NOS3: variants seen among roughly 807,000 people sequenced by gnomAD.
NOS3 encodes the protein NOS type III.
Under a neutral mutation model 144.9 loss-of-function variants are expected in NOS3, and 98 were observed. The observed-to-expected ratio is 0.68, with a 90% CI of 0.57 to 0.80. NOS3 has a LOEUF of 0.80. Among genes scored for constraint, NOS3 ranks in the 30% least tolerant of loss-of-function variants. The probability of loss-of-function intolerance (pLI) is 0.00; values close to 1 mark genes in which losing one functional copy is unlikely to be tolerated. For synonymous variants in NOS3, 714 were observed against 702.4 expected (o/e 1.02, Z -0.26); for missense variants, 1,465 against 1,656.4 (o/e 0.88, Z 2.01).
chr7:151,012,730 A>G (rs1242346018), intron 24 of NOS3: 4 of 428,688 alleles, frequency 9.3e-6, no homozygotes, highest in East Asian at 3.9e-5. Flanking sequence ...CAAAGGGATT[A>G]GGGCTAAGAC....
At chr7:150,997,095 CA>C (rs1162529732) in intron 5 of NOS3, among the ~76,000 whole-genome samples, 170 bp downstream of exon 5, 1 of 152,298 alleles carries the variant, frequency 6.6e-6, no homozygotes, top group East Asian at 1.9e-4. Context: ...CCTCAGCACC[CA>C]GGGGAACCTC....
Position 151,010,904 on chromosome 7 carries a change from C to T in NOS3, c.2902C>T (p.Leu968=), listed in dbSNP as rs1329584883. Residue 968 remains leucine (L), a synonymous_variant, in exon 23 of 27, where the codon CTG becomes TTG. Coordinates refer to ENST00000297494, the MANE Select transcript of NOS3 (RefSeq NM_000603.5). ...CCTCTCCTTCCCACCCCCAGATGGG[C>T]TGGGCCCCCTGCACTATGGAGTCTG... is the stretch of plus-strand genomic sequence containing the variant. ...AVLAYRTQDG[L]GPLHYGVCST... The T allele has an allele frequency of 1.2e-6, 2 of 1,613,214 alleles. No homozygotes were observed. Among genetic ancestry groups the T allele is most frequent in the Non-Finnish European group, 1.7e-6 (2 of 1,179,450 alleles).
At chr7:151,000,209 GC>G (rs1386191750) in intron 9 of NOS3, among the ~76,000 whole-genome samples, 1 of 151,880 alleles carries the variant, frequency 6.6e-6, no homozygotes, top group Non-Finnish European at 1.5e-5. Flanking sequence ...TAGCTCTAGA[GC>G]TTTCATCAGA....
chr7:151,014,152 G>T lies in NOS3; in HGVS notation c.3595G>T (p.Asp1199Tyr). The T allele has an allele frequency of 1.9e-6, 3 of 1,607,506 alleles. No homozygotes were observed. The highest frequency in any genetic ancestry group is 1.7e-6 in the Non-Finnish European group (2 of 1,175,800). The change falls in exon 27 of 27, where the codon GAC becomes TAC. Residue 1199 changes from aspartate to tyrosine, a missense_variant. Transcript: ENST00000297494. ...VPWAFDPPGSDTNSP is the reference protein window; with the variant it reads ...VPWAFDPPGSYTNSP Reference sequence around the variant, plus strand: ...CTGGGCGTTCGACCCTCCCGGCTCAGACACCAACAGCCCCTGAGAGCCGCC... The same window carrying T: ...CTGGGCGTTCGACCCTCCCGGCTCATACACCAACAGCCCCTGAGAGCCGCC...
In NOS3 at chr7:151,003,460, C is replaced by A; in HGVS notation, c.1752+1156C>A. On this transcript the variant is annotated intron_variant, in intron 14 of 26. Coordinates refer to ENST00000297494, the MANE Select transcript of NOS3 (RefSeq NM_000603.5). The surrounding 1 kb of genome is among the most constrained non-coding windows in gnomAD (Gnocchi z 4.1). ...TTAAGCAAGTTGGAATCTCGTGAAA[C>A]CCTTTTTGCTGCCTTAGTGTCCGTT... The A allele has an allele frequency of 8.2e-7, 1 of 1,219,576 alleles. No homozygotes were observed. Among genetic ancestry groups the A allele is most frequent in the Non-Finnish European group, 1.1e-6 (1 of 951,600 alleles). 75.5% of individuals were successfully genotyped at this position (1,219,576 alleles called of 1,614,324 possible).
At position 151,012,554 on chromosome 7, in the gene NOS3, G is replaced by A. The variant is rs193205608; in HGVS notation, c.3106+82G>A. 69 of 1,481,714 alleles carry A rather than the reference G, an allele frequency of 4.7e-5. No homozygotes were observed. The African/African-American group carries it at 8.8e-4, about 19-fold the overall frequency. The allele number at this position is 1,481,714 out of a possible 1,614,324, so 91.8% of individuals were successfully genotyped here. A position where few individuals can be genotyped will look rare whatever the true frequency, so the allele number is the denominator to read the frequency against. The stretch of plus-strand genomic sequence containing the variant: ...GGGTGGGGCTGGAAGGCAGGAAATA[G>A]GAAAGAGAGGGCAGGAAACAAAGTC... On this transcript the variant is annotated intron_variant, in intron 24 of 26. Transcript: ENST00000297494.
At chr7:150,994,844 G>A (rs1298190708) in intron 2 of NOS3, among the ~76,000 whole-genome samples, 2 of 152,188 alleles carry the variant, frequency 1.3e-5, no homozygotes, top group African/African-American at 4.8e-5. Flanking sequence ...TCCCTGCAGG[G>A]CTTCCCTCCA....
At position 151,014,141 on chromosome 7, in the gene NOS3, C is replaced by T. The variant is rs892696687; in HGVS notation, c.3584C>T (p.Pro1195Leu). Reference protein sequence around the residue: ...LRGAVPWAFDPPGSDTNSP With the variant: ...LRGAVPWAFDLPGSDTNSP ...GGCGCAGTGCCCTGGGCGTTCGACC[C>T]TCCCGGCTCAGACACCAACAGCCCC... Residue 1195 changes from proline to leucine, a missense_variant, in exon 27 of 27, where the codon CCT (proline) becomes CTT (leucine). Around this residue, in one of 5 missense-constraint regions of NOS3, gnomAD observed 228 missense variants for 227.7 expected, o/e 1.00. Transcript: ENST00000297494. 2.5e-6 allele frequency: 4 copies of T among 1,609,954 alleles called. No individual in the cohort carries two copies. Among genetic ancestry groups the T allele is most frequent in the Non-Finnish European group, 3.4e-6 (4 of 1,177,434 alleles).
Position 151,013,864 on chromosome 7 carries a change from G to T in NOS3, c.3396G>T (p.Ala1132=). Residue 1132 remains alanine, a synonymous_variant, in exon 26 of 27, where the codon GCG becomes GCT. Coordinates refer to ENST00000297494, the MANE Select transcript of NOS3 (RefSeq NM_000603.5). ...TGCAGACCGTGCAGCGCATCCTGGCGACGGAGGGCGACATGGAGCTGGACG... is the reference window on the plus strand; with the variant it reads ...TGCAGACCGTGCAGCGCATCCTGGCTACGGAGGGCGACATGGAGCTGGACG... ...NVLQTVQRIL[A]TEGDMELDEA... is the part of the protein sequence containing the mutation. 6.2e-7 allele frequency: 1 copy of T among 1,603,160 alleles called. No individual in the cohort carries two copies.
At chr7:150,999,471 C>G (rs1795026084) in intron 9 of NOS3, 107 bp downstream of exon 9, 1 of 1,238,724 alleles carries the variant, frequency 8.1e-7, no homozygotes, top group South Asian at 1.5e-5. Flanking sequence ...CAGAGCAGGT[C>G]CAGGGTTGCC....
In NOS3 at chr7:151,013,909, C is replaced by T. The variant is rs1282954863; in HGVS notation, c.3441C>T (p.Gly1147=). 6.3e-7 allele frequency: 1 copy of T among 1,599,776 alleles called. No individual in the cohort carries two copies. Among genetic ancestry groups the T allele is most frequent in the Non-Finnish European group, 8.5e-7 (1 of 1,173,342 alleles). The change falls in exon 26 of 27, where the codon GGC becomes GGT. Residue 1147 remains glycine, a synonymous_variant. Transcript: ENST00000297494. ...TGGACGAGGCCGGCGACGTCATCGG[C>T]GTGCTGCGGGTGCGGAGGGGCGGGC... ...MELDEAGDVI[G]VLRDQQRYHE...
chr7:150,996,885 C>A lies in NOS3; in HGVS notation c.542C>A (p.Ala181Asp). 6.3e-7 allele frequency: 1 copy of A among 1,583,158 alleles called. No individual in the cohort carries two copies. The highest frequency in any genetic ancestry group is 8.6e-7 in the Non-Finnish European group (1 of 1,165,536). Reference protein sequence around the residue: ...VFGAKQAWRNAPRCVGRIQWG... With the variant: ...VFGAKQAWRNDPRCVGRIQWG... Reference sequence around the variant, plus strand: ...GGGGCTAAGCAGGCCTGGCGCAACGCTCCCCGCTGCGTGGGCCGGATCCAG... The same window carrying A: ...GGGGCTAAGCAGGCCTGGCGCAACGATCCCCGCTGCGTGGGCCGGATCCAG... Residue 181 changes from alanine to aspartate, a missense_variant, in exon 5 of 27, where the codon GCT (alanine) becomes GAT (aspartate). Physicochemically the swap from Ala to Asp is moderately radical, Grantham distance 126. Around this residue, in one of 5 missense-constraint regions of NOS3, gnomAD observed 374 missense variants for 377.0 expected, o/e 0.99. Transcript: ENST00000297494.
intron 9 of NOS3, among the ~76,000 whole-genome samples, chr7:151,000,233 A>G (rs1266689107): frequency 6.6e-6 from 1 of 151,728 alleles, no homozygotes; most frequent in Non-Finnish European, 1.5e-5. Context: ...CTCAAAGGGG[A>G]CCTTGACTCG....
At position 151,014,003 on chromosome 7, in the gene NOS3, G is replaced by C. The variant is rs370804544; in HGVS notation, c.3451-5G>C. On this transcript the variant is annotated splice_polypyrimidine_tract_variant and splice_region_variant and intron_variant, in intron 26 of 26. Coordinates refer to ENST00000297494, the MANE Select transcript of NOS3 (RefSeq NM_000603.5). ...GTTCTGATCCACTGTGCTCTTTTCC[G>C]ACAGGATCAGCAACGCTACCACGAA... The C allele has an allele frequency of 6.2e-7, 1 of 1,611,722 alleles. No homozygotes were observed. Among genetic ancestry groups the C allele is most frequent in the South Asian group, 1.1e-5 (1 of 91,006 alleles).
chr7:151,005,158 T>C (rs1299529187), intron 14 of NOS3, among the ~76,000 whole-genome samples: 1 of 152,212 alleles, frequency 6.6e-6, no homozygotes, highest in Non-Finnish European at 1.5e-5. Flanking sequence ...TGTTTCTCGA[T>C]GGGATGCTGG....
chr7:151,002,002 A>C lies in NOS3; in HGVS notation c.1647+37A>C. ...CCCAGGGGAGCAGGGAGCTAGAAAGAGGGGGCTCTATCAGCATCTTCAGGG... is the reference window on the plus strand; with the variant it reads ...CCCAGGGGAGCAGGGAGCTAGAAAGCGGGGGCTCTATCAGCATCTTCAGGG... On this transcript the variant is annotated intron_variant, in intron 13 of 26. Transcript: ENST00000297494. The surrounding 1 kb of genome is among the most constrained non-coding windows in gnomAD (Gnocchi z 4.1). 1 of 1,610,156 alleles carries C rather than the reference A, an allele frequency of 6.2e-7. No homozygotes were observed. Among genetic ancestry groups the C allele is most frequent in the East Asian group, 2.2e-5 (1 of 44,808 alleles).
chr7:150,996,977 G>A, intron 5 of NOS3, 52 bp downstream of exon 5: 1 of 1,520,404 alleles, frequency 6.6e-7, no homozygotes. Flanking sequence ...AGGGGAGCGG[G>A]GTGGCGGGGC....
chr7:151,007,077 T>C, intron 16 of NOS3, 25 bp from the exon 17 acceptor site: 1 of 1,614,012 alleles, frequency 6.2e-7, no homozygotes, highest in Non-Finnish European at 8.5e-7. Context: ...CAAAGGGAGC[T>C]CCACTGACGA....
Position 150,993,970 on chromosome 7 carries a change from C to G in NOS3, c.158+9C>G. The G allele has an allele frequency of 1.3e-6, 2 of 1,553,990 alleles. No homozygotes were observed. The highest frequency in any genetic ancestry group is 1.7e-6 in the Non-Finnish European group (2 of 1,152,812). On this transcript the variant is annotated intron_variant, in intron 2 of 26. Transcript: ENST00000297494. The surrounding 1 kb of genome is among the most constrained non-coding windows in gnomAD (Gnocchi z 4.0). ...CCAGCGCCAGAACACAGGTAAGGGCCAGGCAGCTAGGAGCAGGTGGGCAAC... is the reference window on the plus strand; with the variant it reads ...CCAGCGCCAGAACACAGGTAAGGGCGAGGCAGCTAGGAGCAGGTGGGCAAC...
Sources: allele counts gnomAD v4.1 joint callset (sites outside exome capture counted in the v4.1 genomes callset), GRCh38; gene constraint gnomAD v4.1.1; regional missense constraint gnomAD v4.1.1; non-coding constraint Gnocchi (gnomAD v3.1); transcripts MANE v1.5; gene names NCBI Gene and HGNC (gene_info 2026-07-23, HGNC 2026-07-21).